The following GATA4 variants were observed in gnomAD, a reference collection of about 807,000 sequenced individuals.
The protein encoded by GATA4 is GATA binding protein 4.
A neutral mutation model predicts 37.9 loss-of-function variants in GATA4; 7 were observed. The observed-to-expected ratio is 0.18, with a 90% CI of 0.11 to 0.35. The LOEUF (loss-of-function observed/expected upper bound fraction) is 0.35, where lower values mean the gene tolerates loss of function less well. GATA4 is among the 10% of genes least tolerant of loss of function. GATA4 has a pLI of 1.00. For synonymous variants in GATA4, 372 were observed against 292.6 expected, an observed-to-expected ratio of 1.27 and a Z score of -2.77; for missense variants, 647 against 653.0, an observed-to-expected ratio of 0.99 and a Z score of 0.10.
At chr8:11,713,433 C>T (rs1185941303) in intron 2 of GATA4, among the ~76,000 whole-genome samples, 2 of 151,890 alleles carry the variant, frequency 1.3e-5, no homozygotes, top group African/African-American at 2.4e-5. Flanking sequence ...AGGACTCTGC[C>T]CTGCCTGGGT....
chr8:11,751,931 C>G (rs1359815742), intron 4 of GATA4, among the ~76,000 whole-genome samples: 6 of 152,116 alleles, frequency 3.9e-5, no homozygotes, highest in Admixed American at 3.9e-4. Context: ...TCTGGCAGGT[C>G]TACTGTTGGG....
At chr8:11,686,181 C>G (rs777170121) in intron 1 of GATA4, among the ~76,000 whole-genome samples, 8 of 149,834 alleles carry the variant, frequency 5.3e-5, no homozygotes, top group Non-Finnish European at 1.2e-4. Flanking sequence ...CCACCATAAA[C>G]TTAGGAGACC....
chr8:11,742,594 A>G (rs565137162), intron 2 of GATA4, among the ~76,000 whole-genome samples: 2 of 152,290 alleles, frequency 1.3e-5, no homozygotes, highest in African/African-American at 4.8e-5. Flanking sequence ...GCCTCTGTTC[A>G]GCAGCTGCAG....
chr8:11,756,868 C>G, intron 5 of GATA4, 67 bp from the exon 6 acceptor site: 1 of 1,608,636 alleles, frequency 6.2e-7, no homozygotes, highest in East Asian at 2.2e-5. Context: ...CCGGCTGTCT[C>G]GCAGGCTGCC....
At chr8:11,745,636 A>G (rs1442715821) in intron 2 of GATA4, among the ~76,000 whole-genome samples, 2 of 151,976 alleles carry the variant, frequency 1.3e-5, no homozygotes, top group African/African-American at 2.4e-5. Flanking sequence ...GAAAAAAAAG[A>G]CTCCATTCCT....
At chr8:11,733,304 A>C (rs1241260567) in intron 2 of GATA4, among the ~76,000 whole-genome samples, 1 of 152,242 alleles carries the variant, frequency 6.6e-6, no homozygotes, top group Non-Finnish European at 1.5e-5. Context: ...CTGATTATAA[A>C]ATTTATATGA....
At chr8:11,692,644 G>A in exon 1 of GATA4, 1 of 985,142 alleles carries the variant, frequency 1.0e-6, no homozygotes, top group Non-Finnish European at 1.2e-6. Flanking sequence ...CTGCGCCTCA[G>A]CCGACCTCCA....
chr8:11,755,168 C>T (rs1216433807), intron 5 of GATA4, 35 bp downstream of exon 5: 4 of 1,538,136 alleles, frequency 2.6e-6, no homozygotes, highest in East Asian at 2.2e-5. Context: ...TATATGAGTA[C>T]ATCAGGAGCC....
At chr8:11,741,683 G>A (rs983003479) in intron 2 of GATA4, among the ~76,000 whole-genome samples, 3 of 152,126 alleles carry the variant, frequency 2.0e-5, no homozygotes, top group Admixed American at 6.5e-5. Context: ...AGGGGTTCTC[G>A]AAGGTCTCAA....
At chr8:11,757,503 C>T (rs1049238155) in intron 6 of GATA4, among the ~76,000 whole-genome samples, 5 of 152,200 alleles carry the variant, frequency 3.3e-5, no homozygotes, top group East Asian at 1.9e-4. Context: ...TGTCGGAGGC[C>T]GAGCGGAGGT....
intron 1 of GATA4, chr8:11,692,836 G>T: frequency 1.0e-6 from 1 of 981,732 alleles, no homozygotes; most frequent in Non-Finnish European, 1.2e-6. Context: ...AGAGGCGGGG[G>T]CGGCCGGCCG....
intron 2 of GATA4, among the ~76,000 whole-genome samples, chr8:11,711,033 C>T (rs1487920552): frequency 2.6e-5 from 4 of 151,756 alleles, no homozygotes; most frequent in African/African-American, 7.3e-5. Flanking sequence ...ATCGGTTGAA[C>T]CCGGGAGGCG....
chr8:11,689,570 T>G (rs750430740), upstream of GATA4, among the ~76,000 whole-genome samples: 1 of 152,196 alleles, frequency 6.6e-6, no homozygotes, highest in African/African-American at 2.4e-5. Flanking sequence ...AGCCTAGAGG[T>G]GCAATATGTG....
At chr8:11,742,356 C>G (rs566149579) in intron 2 of GATA4, among the ~76,000 whole-genome samples, 1 of 151,834 alleles carries the variant, frequency 6.6e-6, no homozygotes, top group African/African-American at 2.4e-5. Context: ...ACGTTCCCCC[C>G]TCCCTCCGTT....
intron 1 of GATA4, among the ~76,000 whole-genome samples, chr8:11,698,316 T>G (rs934512837): frequency 8.5e-5 from 13 of 152,256 alleles, no homozygotes; most frequent in African/African-American, 2.7e-4. Context: ...CTGCTTAGGA[T>G]AGAATTCTTC....
At chr8:11,704,582 C>T (rs1799808081) in intron 1 of GATA4, among the ~76,000 whole-genome samples, 1 of 152,246 alleles carries the variant, frequency 6.6e-6, no homozygotes, top group South Asian at 2.1e-4. Flanking sequence ...TCCCTGTCCC[C>T]GTGTGCACAT....
chr8:11,681,666 C>CT (rs1798978337), intron 1 of GATA4, among the ~76,000 whole-genome samples: 1 of 151,936 alleles, frequency 6.6e-6, no homozygotes, highest in Non-Finnish European at 1.5e-5. Flanking sequence ...CTTTTTTCAT[C>CT]CCCTTTCTCT....
At chr8:11,687,711 C>G (rs1445668824), upstream of GATA4, among the ~76,000 whole-genome samples, 1 of 152,198 alleles carries the variant, frequency 6.6e-6, no homozygotes, top group East Asian at 1.9e-4. Context: ...AGTGCTGCCT[C>G]CCTCACCCTC....
chr8:11,715,647 A>G (rs755726644), intron 2 of GATA4, among the ~76,000 whole-genome samples: 23 of 151,704 alleles, frequency 1.5e-4, no homozygotes, highest in Non-Finnish European at 2.9e-4. Flanking sequence ...AGGCTGAGGC[A>G]GGAGAATTGC....
Sources: gnomAD v4.1 joint callset for allele counts (sites outside exome capture counted in the v4.1 genomes callset) on GRCh38, gnomAD v4.1.1 for gene constraint, MANE v1.5 for transcripts, NCBI Gene and HGNC (gene_info 2026-07-23, HGNC 2026-07-21) for gene names.